ALS2: variants seen among roughly 807,000 people sequenced by gnomAD.
ALS2 encodes the protein alsin.
In ALS2, 117 loss-of-function variants were observed where a neutral mutation model predicts 203.4. That is an observed-to-expected ratio of 0.58 (90% CI 0.50 to 0.67). The LOEUF (loss-of-function observed/expected upper bound fraction) is 0.67. Among genes scored for constraint, ALS2 ranks in the 30% least tolerant of loss-of-function variants. The pLI is 0.00. For missense variants in ALS2, 1,715 were observed against 1,989.4 expected, an observed-to-expected ratio of 0.86 and a Z score of 2.62; for synonymous variants, 718 against 725.9, an observed-to-expected ratio of 0.99 and a Z score of 0.17.
rs778158908 is a variant in ALS2, at chr2:201,729,199, TAAA to T, written c.2581-19_2581-17del. 31 of 1,604,334 alleles carry T rather than the reference TAAA, an allele frequency of 1.9e-5. No individual in the cohort carries two copies. The highest frequency in any genetic ancestry group is 8.5e-7 in the Non-Finnish European group (1 of 1,176,706). ...CTGGAGATGCCTACAGGGCAAAAAT[TAAA>T]GAGGAAAAAAAAAAAAAGAACATAA... On this transcript the variant is annotated splice_polypyrimidine_tract_variant and intron_variant, in intron 13 of 33. Coordinates refer to ENST00000264276, the MANE Select transcript of ALS2 (RefSeq NM_020919.4).
At chr2:201,755,259 ACTGT>A (rs914487648) in intron 5 of ALS2, among the ~76,000 whole-genome samples, 1 of 151,254 alleles carries the variant, frequency 6.6e-6, no homozygotes, top group African/African-American at 2.4e-5. Context: ...ATAGCAAGAC[ACTGT>A]CTCTTTTTTT....
intron 1 of ALS2, among the ~76,000 whole-genome samples, chr2:201,772,245 T>C (rs1268616913): frequency 6.6e-6 from 1 of 151,298 alleles, no homozygotes; most frequent in Non-Finnish European, 1.5e-5. Context: ...GAGCCAAGGA[T>C]ATCATTTTAA....
In ALS2 at chr2:201,749,496, G is replaced by C. The variant is rs7561225; in HGVS notation, c.1815+216C>G. Among the ~76,000 whole-genome samples, 75,268 of 151,936 alleles carry C rather than the reference G, an allele frequency of 0.5. 20,957 individuals are homozygous for C. The highest frequency in any genetic ancestry group is 0.62 in the Admixed American group (9,408 of 15,258). On this transcript the variant is annotated intron_variant, in intron 8 of 33. Transcript: ENST00000264276. ...AACAAAGAAACTATGCATATTTAATGAACAGTTGAAGCTAAGAAATATAAA... is the reference window on the plus strand; with the variant it reads ...AACAAAGAAACTATGCATATTTAATCAACAGTTGAAGCTAAGAAATATAAA...
At chr2:201,780,609 A>C (rs1419441838) in intron 1 of ALS2, among the ~76,000 whole-genome samples, 1 of 152,186 alleles carries the variant, frequency 6.6e-6, no homozygotes, top group Non-Finnish European at 1.5e-5. Flanking sequence ...AGCGGCGCCC[A>C]GTCTGGGGAG....
At chr2:201,712,691 T>C (rs1160423494) in intron 25 of ALS2, among the ~76,000 whole-genome samples, 2 of 150,700 alleles carry the variant, frequency 1.3e-5, no homozygotes, top group Non-Finnish European at 2.9e-5. Flanking sequence ...TGCTAAGCAA[T>C]GCTTGTGGGA....
intron 15 of ALS2, 55 bp downstream of exon 15, chr2:201,728,457 T>C: frequency 6.2e-7 from 1 of 1,606,770 alleles, no homozygotes; most frequent in Non-Finnish European, 8.5e-7. Context: ...GTACAGTTAA[T>C]AAGGATAGGG....
chr2:201,761,450 G>C lies in ALS2; in HGVS notation c.544C>G (p.Leu182Val). Residue 182 changes from leucine to valine, a missense_variant, in exon 4 of 34, where the codon CTC becomes GTC. Leu to Val is a conservative substitution (Grantham distance 32, BLOSUM62 1). This residue lies in a region of ALS2 where 476 missense variants were observed against 539.3 expected (regional missense o/e 0.88). Transcript: ENST00000264276. ...WAWGTGCQLG[L>V]ITTAFPVTKP... ...GTCACTGGGAAGGCAGTGGTAATGA[G>C]ACCCAACTGACAACCGGTACCCCAT... 1 of 1,607,498 alleles carries C rather than the reference G, an allele frequency of 6.2e-7. No homozygotes were observed. The highest frequency in any genetic ancestry group is 8.5e-7 in the Non-Finnish European group (1 of 1,174,750).
intron 10 of ALS2, among the ~76,000 whole-genome samples, chr2:201,743,107 C>T (rs1052478547): frequency 6.6e-6 from 1 of 151,702 alleles, no homozygotes; most frequent in African/African-American, 2.4e-5. Context: ...ATGGGCTGAC[C>T]TGCAGAAGAC....
Position 201,723,494 on chromosome 2 carries a change from G to A in ALS2, c.3513-53C>T, listed in dbSNP as rs1034942449. On this transcript the variant is annotated intron_variant, in intron 21 of 33. Transcript: ENST00000264276. ...AGCACTGAAGATAAGGATAAAGTAG[G>A]GAAAAGACAATTATCACATGGGAGA... is the stretch of plus-strand genomic sequence containing the variant. 52 of 1,461,106 alleles carry A rather than the reference G, an allele frequency of 3.6e-5. No individual in the cohort carries two copies. The African/African-American group carries it at 6.4e-4, about 18-fold the overall frequency. 90.5% of individuals were successfully genotyped at this position (1,461,106 alleles called of 1,614,324 possible).
intron 31 of ALS2, 35 bp downstream of exon 31, chr2:201,705,104 T>C: frequency 6.3e-7 from 1 of 1,597,920 alleles, no homozygotes; most frequent in Non-Finnish European, 8.6e-7. Context: ...AGCACTACTT[T>C]GATTTGTATG....
intron 12 of ALS2, among the ~76,000 whole-genome samples, chr2:201,734,306 C>T (rs908889982): frequency 2.0e-5 from 3 of 152,066 alleles, no homozygotes; most frequent in Non-Finnish European, 4.4e-5. Context: ...GAAACCCTGT[C>T]TCTGCAAAAA....
At chr2:201,726,979 CTTA>C in intron 17 of ALS2, 113 bp from the exon 18 acceptor site, 1 of 1,013,038 alleles carries the variant, frequency 9.9e-7, no homozygotes, top group African/African-American at 1.6e-5. Flanking sequence ...TAATGCTTTT[CTTA>C]TTAATAGAGT....
chr2:201,768,790 A>G, intron 2 of ALS2, 76 bp downstream of exon 2: 1 of 1,376,500 alleles, frequency 7.3e-7, no homozygotes, highest in African/African-American at 1.4e-5. Context: ...ATTAAACTGA[A>G]GAGAAGCTAC....
intron 7 of ALS2, 137 bp from the exon 8 acceptor site, chr2:201,749,926 C>G: frequency 1.4e-6 from 1 of 727,988 alleles, no homozygotes. Flanking sequence ...GTCTTTCACT[C>G]TTTAACAGAT....
chr2:201,772,576 G>T (rs1439874728), intron 1 of ALS2, among the ~76,000 whole-genome samples: 1 of 152,094 alleles, frequency 6.6e-6, no homozygotes, highest in Non-Finnish European at 1.5e-5. Flanking sequence ...GATCCCACAG[G>T]AAGTGTTATA....
At chr2:201,754,805 T>C in intron 5 of ALS2, 134 bp from the exon 6 acceptor site, 1 of 942,008 alleles carries the variant, frequency 1.1e-6, no homozygotes, top group Non-Finnish European at 1.6e-6. Context: ...AGAGGCTCTC[T>C]GTAGAAAAGG....
At chr2:201,771,042 ATTTTT>A (rs34578117) in intron 1 of ALS2, among the ~76,000 whole-genome samples, 6 of 104,400 alleles carry the variant, frequency 5.7e-5, no homozygotes, top group African/African-American at 7.1e-5. Context: ...GTATTTACAG[ATTTTT>A]TTTTTTTTTT....
At chr2:201,734,994 A>G (rs1691790548) in intron 12 of ALS2, among the ~76,000 whole-genome samples, 1 of 152,234 alleles carries the variant, frequency 6.6e-6, no homozygotes, top group African/African-American at 2.4e-5. Context: ...AAATGTGGTA[A>G]TGTGTACATA....
At chr2:201,777,587 T>A (rs1694716383) in intron 1 of ALS2, among the ~76,000 whole-genome samples, 1 of 152,158 alleles carries the variant, frequency 6.6e-6, no homozygotes, top group Non-Finnish European at 1.5e-5. Flanking sequence ...TATTAACATA[T>A]TTTCATATTG....
Sources: gnomAD v4.1 joint callset for allele counts (sites outside exome capture counted in the v4.1 genomes callset) on GRCh38, gnomAD v4.1.1 for gene constraint, gnomAD v4.1.1 regional missense constraint, MANE v1.5 for transcripts, NCBI Gene and HGNC (gene_info 2026-07-23, HGNC 2026-07-21) for gene names.